Variants in BNC2 observed in about 807,000 individuals in gnomAD.
BNC2 encodes zinc finger protein basonuclin-2.
BNC2 carries 20 observed loss-of-function variants against 76.3 expected under a neutral mutation model. The observed-to-expected ratio is 0.26, with a 90% CI of 0.18 to 0.38. BNC2 has a LOEUF of 0.38. BNC2 is among the 10% of genes least tolerant of loss of function. The probability of loss-of-function intolerance (pLI) is 1.00; values close to 1 mark genes in which losing one functional copy is unlikely to be tolerated. For synonymous variants in BNC2, 582 were observed against 514.8 expected (o/e 1.13, Z -1.77); for missense variants, 1,382 against 1,399.8 (o/e 0.99, Z 0.20).
At chr9:16,498,167 A>T (rs1356446562) in intron 5 of BNC2, among the ~76,000 whole-genome samples, 1 of 145,896 alleles carries the variant, frequency 6.9e-6, no homozygotes, top group Non-Finnish European at 1.5e-5. Flanking sequence ...TCATATATAT[A>T]TTCTATCATA....
intron 4 of BNC2, chr9:16,580,172 C>A: frequency 2.5e-6 from 1 of 398,470 alleles, no homozygotes; most frequent in Admixed American, 4.4e-5. Flanking sequence ...GGGAATGAAG[C>A]AATTAGTTGT....
chr9:16,663,326 T>C (rs1822169768), intron 3 of BNC2, among the ~76,000 whole-genome samples: 1 of 151,798 alleles, frequency 6.6e-6, no homozygotes, highest in Non-Finnish European at 1.5e-5. Context: ...AGAGACAGGG[T>C]TTCACCATCT....
intron 1 of BNC2, among the ~76,000 whole-genome samples, chr9:16,793,860 G>GTTTTTTTTTTT (rs377349585): frequency 1.0e-5 from 1 of 97,352 alleles, no homozygotes; most frequent in Non-Finnish European, 1.9e-5. Context: ...TGTGGTTTTT[G>GTTTTTTTTTTT]TTTTTTTGTT....
At position 16,866,585 on chromosome 9, in the gene BNC2, C is replaced by A. The variant is rs748951331; in HGVS notation, c.3+4061G>T. Among the ~76,000 whole-genome samples the A allele has an allele frequency of 4.0e-5, 6 of 149,798 alleles. No individual in the cohort carries two copies. The East Asian group carries it at 1.2e-3, about 30-fold the overall frequency. Reference sequence around the variant, plus strand: ...TGCATTTTGCCTGATCTTCAAATCACCTGAAAGGCAAAAGCCTAGAAAGCT... The same window carrying A: ...TGCATTTTGCCTGATCTTCAAATCAACTGAAAGGCAAAAGCCTAGAAAGCT... On this transcript the variant is annotated intron_variant, in intron 1 of 6. Coordinates refer to ENST00000380672, the MANE Select transcript of BNC2 (RefSeq NM_017637.6).
At chr9:16,827,943 A>C (rs1818491458) in intron 1 of BNC2, among the ~76,000 whole-genome samples, 1 of 152,222 alleles carries the variant, frequency 6.6e-6, no homozygotes, top group Admixed American at 6.5e-5. Flanking sequence ...TTCTTCATAA[A>C]GTGATCAAAG....
intron 5 of BNC2, among the ~76,000 whole-genome samples, chr9:16,441,580 AAG>A (rs1821129347): frequency 6.6e-6 from 1 of 152,226 alleles, no homozygotes; most frequent in South Asian, 2.1e-4. Context: ...TCACTAGTTT[AAG>A]AGTCTTCTGT....
chr9:16,663,759 T>C lies in BNC2; in HGVS notation c.330+64038A>G, dbSNP rs1002460761. On this transcript the variant is annotated intron_variant, in intron 3 of 6. Transcript: ENST00000380672. ...ATCCACTGAACAAAATTTTAAAGAGTCAGGTGTGAATATTATTTCCTTACT... is the reference window on the plus strand; with the variant it reads ...ATCCACTGAACAAAATTTTAAAGAGCCAGGTGTGAATATTATTTCCTTACT... Among the ~76,000 whole-genome samples the C allele has an allele frequency of 4.6e-4, 70 of 152,050 alleles. 1 individual carries two copies. The highest frequency in any genetic ancestry group is 1.6e-3 in the African/African-American group (65 of 41,458).
intron 1 of BNC2, among the ~76,000 whole-genome samples, chr9:16,780,843 G>GA (rs1826133274): frequency 1.3e-5 from 2 of 151,714 alleles, no homozygotes; most frequent in Admixed American, 6.6e-5. Flanking sequence ...ACATCTTTAA[G>GA]AAAAAAAATG....
chr9:16,562,564 A>G (rs1219481508), intron 4 of BNC2, among the ~76,000 whole-genome samples: 1 of 152,220 alleles, frequency 6.6e-6, no homozygotes, highest in African/African-American at 2.4e-5. Flanking sequence ...CATCATTTTC[A>G]TCTTAAAAGA....
At chr9:16,498,716 TTA>T (rs1209809343) in intron 5 of BNC2, among the ~76,000 whole-genome samples, 6 of 150,566 alleles carry the variant, frequency 4.0e-5, no homozygotes, top group Non-Finnish European at 7.4e-5. Flanking sequence ...CCCCAAAAAA[TTA>T]TATGTTTTCT....
chr9:16,779,279 G>A (rs1380948038), intron 1 of BNC2, among the ~76,000 whole-genome samples: 1 of 143,696 alleles, frequency 7.0e-6, no homozygotes, highest in Non-Finnish European at 1.5e-5. Context: ...ACTCCAGCCT[G>A]CGTGACAGAG....
At chr9:16,869,204 G>C (rs973929218) in intron 1 of BNC2, among the ~76,000 whole-genome samples, 1 of 125,038 alleles carries the variant, frequency 8.0e-6, no homozygotes, top group African/African-American at 3.1e-5. Flanking sequence ...ACAATTCCAA[G>C]TGTCCACGAA....
intron 5 of BNC2, among the ~76,000 whole-genome samples, chr9:16,493,652 T>C (rs1433946976): frequency 2.0e-5 from 3 of 152,066 alleles, no homozygotes; most frequent in Non-Finnish European, 2.9e-5. Flanking sequence ...TCAAGGAGCT[T>C]ATGTGGTTTA....
intron 6 of BNC2, among the ~76,000 whole-genome samples, chr9:16,433,367 T>G (rs1223407875): frequency 6.6e-6 from 1 of 152,218 alleles, no homozygotes; most frequent in East Asian, 1.9e-4. Flanking sequence ...GGGCATACTG[T>G]GATTTCAGCC....
intron 3 of BNC2, among the ~76,000 whole-genome samples, chr9:16,644,010 A>G (rs1217617176): frequency 6.6e-6 from 1 of 152,174 alleles, no homozygotes; most frequent in Non-Finnish European, 1.5e-5. Context: ...TAAGTACCCC[A>G]AGAGAACCTT....
intron 4 of BNC2, among the ~76,000 whole-genome samples, chr9:16,561,821 T>C (rs1819025530): frequency 6.6e-6 from 1 of 152,052 alleles, no homozygotes; most frequent in South Asian, 2.1e-4. Flanking sequence ...CTGGGCAACG[T>C]GGTGAAACCC....
At chr9:16,853,961 C>A (rs998237006) in intron 1 of BNC2, among the ~76,000 whole-genome samples, 1 of 152,114 alleles carries the variant, frequency 6.6e-6, no homozygotes, top group East Asian at 1.9e-4. Context: ...TATGACTGCT[C>A]GGAAACTTAC....
chr9:16,590,308 T>C (rs1287548537), intron 3 of BNC2, among the ~76,000 whole-genome samples: 2 of 151,888 alleles, frequency 1.3e-5, no homozygotes. Flanking sequence ...TTCTCCTGCC[T>C]CAGCCTCCCA....
rs1447197891 is a variant in BNC2, at chr9:16,412,074, C to T, written c.*6915G>A. 6.6e-6 allele frequency: 1 copy of T among 152,556 alleles called. No individual in the cohort carries two copies. Among genetic ancestry groups the T allele is most frequent in the African/African-American group, 2.4e-5 (1 of 41,424 alleles). The allele number at this position is 152,556 out of a possible 1,614,324, so 9.5% of individuals were successfully genotyped here. A position where few individuals can be genotyped will look rare whatever the true frequency, so the allele number is the denominator to read the frequency against. ...ATTTTCATGTATTCTTCCTTTGTAC[C>T]TTTGGTCCCCATCACTCGATTTTCT... On this transcript the variant is annotated 3_prime_UTR_variant, in exon 7 of 7. Transcript: ENST00000380672.
Sources: allele counts gnomAD v4.1 joint callset (sites outside exome capture counted in the v4.1 genomes callset), GRCh38; gene constraint gnomAD v4.1.1; transcripts MANE v1.5; gene names NCBI Gene and HGNC (gene_info 2026-07-23, HGNC 2026-07-21).